Variants in MTF1 observed in about 807,000 individuals in gnomAD.
MTF1 encodes the protein metal regulatory transcription factor 1.
A neutral mutation model predicts 70.4 loss-of-function variants in MTF1; 22 were observed. The observed-to-expected ratio is 0.31, with a 90% CI of 0.22 to 0.45. The LOEUF is 0.45. MTF1 is among the 20% of genes least tolerant of loss of function. The pLI, the probability that MTF1 is intolerant of heterozygous loss-of-function variation, is 1.00. For missense variants in MTF1, 649 were observed against 922.0 expected, an observed-to-expected ratio of 0.70 and a Z score of 3.83; for synonymous variants, 333 against 352.8, an observed-to-expected ratio of 0.94 and a Z score of 0.63.
At chr1:37,835,479 TTCA>T (rs1641152523) in intron 5 of MTF1, among the ~76,000 whole-genome samples, 189 bp downstream of exon 5, 1 of 152,122 alleles carries the variant, frequency 6.6e-6, no homozygotes, top group Admixed American at 6.5e-5. Flanking sequence ...CTGTATTGGT[TTCA>T]TCTCTTAAGG....
At chr1:37,844,601 C>T (rs1326973688) in intron 2 of MTF1, among the ~76,000 whole-genome samples, 1 of 152,136 alleles carries the variant, frequency 6.6e-6, no homozygotes, top group Admixed American at 6.6e-5. Flanking sequence ...ATTGTGGATG[C>T]TGGGATAAAG....
intron 6 of MTF1, chr1:37,834,521 G>A (rs1641134502): frequency 3.5e-6 from 1 of 289,532 alleles, no homozygotes. Flanking sequence ...TATGAGCAGA[G>A]GACAGACATT....
Position 37,840,233 on chromosome 1 carries a change from C to A in MTF1, c.409-75G>T. On this transcript the variant is annotated intron_variant, in intron 2 of 10. Coordinates refer to ENST00000373036, the MANE Select transcript of MTF1 (RefSeq NM_005955.3). This position sits in a 1 kb window ranked among gnomAD's most constrained non-coding sequence, Gnocchi z 4.5. The stretch of plus-strand genomic sequence containing the variant: ...CTTAACTCCCCCACCCAGAGCTCAG[C>A]TCCCAAGAGATGCTGTGGACAATAC... 1 of 1,324,638 alleles carries A rather than the reference C, an allele frequency of 7.5e-7. No individual in the cohort carries two copies. Among genetic ancestry groups the A allele is most frequent in the Non-Finnish European group, 1.1e-6 (1 of 925,694 alleles). 82.1% of individuals were successfully genotyped at this position (1,324,638 alleles called of 1,614,324 possible). A position where few individuals can be genotyped will look rare whatever the true frequency, so the allele number is the denominator to read the frequency against.
chr1:37,845,805 C>T (rs549223261), intron 2 of MTF1, among the ~76,000 whole-genome samples: 4 of 152,248 alleles, frequency 2.6e-5, no homozygotes, highest in African/African-American at 9.6e-5. Flanking sequence ...CACACCCGGC[C>T]TGAAAATATT....
chr1:37,839,802 C>G (rs984692898), intron 3 of MTF1, 118 bp downstream of exon 3: 1 of 795,442 alleles, frequency 1.3e-6, no homozygotes, highest in Admixed American at 2.3e-5. Flanking sequence ...TAGTTGAACA[C>G]AGCTGCGCTC....
chr1:37,823,514 T>C lies in MTF1; in HGVS notation c.1171+196A>G, dbSNP rs189334382. Among the ~76,000 whole-genome samples the C allele has an allele frequency of 2.3e-4, 35 of 152,096 alleles. 1 individual carries two copies. The East Asian group carries it at 6.2e-3, about 27-fold the overall frequency. Reference sequence around the variant, plus strand: ...TGGTGGTTTTACAGCCAACAGAAGATTCTGGGAAAGGAGATTCTCTTCTTC... The same window carrying C: ...TGGTGGTTTTACAGCCAACAGAAGACTCTGGGAAAGGAGATTCTCTTCTTC... On this transcript the variant is annotated intron_variant, in intron 8 of 10. Coordinates refer to ENST00000373036, the MANE Select transcript of MTF1 (RefSeq NM_005955.3).
At chr1:37,850,832 G>A (rs995415631) in intron 2 of MTF1, among the ~76,000 whole-genome samples, 3 of 152,046 alleles carry the variant, frequency 2.0e-5, no homozygotes, top group Non-Finnish European at 4.4e-5. Context: ...GGAAATTCAG[G>A]CTAAAATGTG....
At chr1:37,819,160 T>C (rs758762953) in intron 9 of MTF1, among the ~76,000 whole-genome samples, 2 of 152,208 alleles carry the variant, frequency 1.3e-5, no homozygotes, top group Non-Finnish European at 2.9e-5. Context: ...TCCATAAATG[T>C]AAGAAATAAA....
intron 6 of MTF1, among the ~76,000 whole-genome samples, chr1:37,834,358 G>A (rs1557592400): frequency 6.7e-6 from 1 of 149,306 alleles, no homozygotes. Context: ...GCCAGGTGGG[G>A]TGGCTCATGC....
chr1:37,828,255 TG>T, intron 7 of MTF1: 2 of 296,564 alleles, frequency 6.7e-6, no homozygotes, highest in Non-Finnish European at 6.5e-6. Flanking sequence ...TCATGGCTTT[TG>T]GGGGTATGTG....
At position 37,845,679 on chromosome 1, in the gene MTF1, A is replaced by AT. The variant is rs1339881127; in HGVS notation, c.409-5522dup. Among the ~76,000 whole-genome samples the AT allele has an allele frequency of 4.6e-5, 7 of 152,100 alleles. No homozygotes were observed. In the East Asian group the frequency reaches 1.2e-3, roughly 25 times the overall value. ...ACCACCACGCCTGGCTAATTTTTGTATTTTTTGTAGAGATGGGGTCTCACT... is the reference window on the plus strand; with the variant it reads ...ACCACCACGCCTGGCTAATTTTTGTATTTTTTTGTAGAGATGGGGTCTCACT... On this transcript the variant is annotated intron_variant, in intron 2 of 10. Coordinates refer to ENST00000373036, the MANE Select transcript of MTF1 (RefSeq NM_005955.3).
intron 1 of MTF1, chr1:37,858,685 T>C (rs535759560): frequency 6.6e-6 from 1 of 152,358 alleles, no homozygotes; most frequent in Non-Finnish European, 1.5e-5. Flanking sequence ...AGTACACTGA[T>C]ACTATGATAA....
At chr1:37,828,298 A>T in intron 7 of MTF1, 1 of 387,928 alleles carries the variant, frequency 2.6e-6, no homozygotes, top group Non-Finnish European at 5.0e-6. Flanking sequence ...TGGGAATGTT[A>T]TTTTGTTTGT....
chr1:37,851,651 TCAA>T (rs979789680), intron 2 of MTF1, among the ~76,000 whole-genome samples: 4 of 152,228 alleles, frequency 2.6e-5, no homozygotes, highest in African/African-American at 9.6e-5. Context: ...GAAGTCCTAA[TCAA>T]CAAATTTCTG....
chr1:37,838,797 C>CTCTTTTTTTTTTTTTTTTTTTT, intron 3 of MTF1, 41 bp from the exon 4 acceptor site: 1 of 473,688 alleles, frequency 2.1e-6, no homozygotes. Flanking sequence ...TCATAAAATT[C>CTCTTTTTTTTTTTTTTTTTTTT]TTTTTTTTTT....
At position 37,822,330 on chromosome 1, in the gene MTF1, C is replaced by T; in HGVS notation, c.1558G>A (p.Ala520Thr). The change falls in exon 9 of 11, where the codon GCC becomes ACC. Residue 520 changes from alanine (A) to threonine (T), a missense_variant. Ala to Thr is a moderately conservative substitution (Grantham distance 58). Transcript: ENST00000373036. ...GGCTCAGTAGTACTTTGTGGTGGGG[C>T]TGGTGCTGCCACAGCTGATGCCACT... ...AAVASAVAAPAPPQSTTEPLP... is the reference protein window; with the variant it reads ...AAVASAVAAPTPPQSTTEPLP... The T allele has an allele frequency of 6.2e-7, 1 of 1,612,724 alleles. No individual in the cohort carries two copies. Among genetic ancestry groups the T allele is most frequent in the Non-Finnish European group, 8.5e-7 (1 of 1,179,282 alleles).
intron 7 of MTF1, among the ~76,000 whole-genome samples, chr1:37,827,618 T>C (rs1444157110): frequency 1.3e-5 from 2 of 151,936 alleles, no homozygotes; most frequent in Non-Finnish European, 2.9e-5. Context: ...CGCCTCGGCC[T>C]CCCAAAGTGC....
chr1:37,831,770 T>C (rs1326964279), intron 7 of MTF1, among the ~76,000 whole-genome samples: 1 of 151,876 alleles, frequency 6.6e-6, no homozygotes, highest in Non-Finnish European at 1.5e-5. Flanking sequence ...GAAATTTTTC[T>C]CTCCCCATTG....
chr1:37,852,046 G>A (rs1349575403), intron 2 of MTF1, among the ~76,000 whole-genome samples: 1 of 151,914 alleles, frequency 6.6e-6, no homozygotes, highest in Admixed American at 6.6e-5. Context: ...CCCTCTGCAG[G>A]GTCACACAGG....
Sources: gnomAD v4.1 joint callset for allele counts (sites outside exome capture counted in the v4.1 genomes callset) on GRCh38, gnomAD v4.1.1 for gene constraint, Gnocchi (gnomAD v3.1) non-coding constraint, MANE v1.5 for transcripts, NCBI Gene and HGNC (gene_info 2026-07-23, HGNC 2026-07-21) for gene names.